The following PUS7 variants were observed in gnomAD, a reference collection of about 807,000 sequenced individuals.
PUS7 encodes the protein pseudouridine synthase 7, also known as pseudouridylate synthase 7 homolog.
Under a neutral mutation model 79.8 loss-of-function variants are expected in PUS7, and 48 were observed. The ratio of observed to expected loss-of-function variants is 0.60; its 90% CI spans 0.48 to 0.76. The LOEUF is 0.76. Ranked by LOEUF, PUS7 falls within the 30% of genes least tolerant of loss-of-function variation. The probability of loss-of-function intolerance (pLI) is 0.00; values close to 1 mark genes in which losing one functional copy is unlikely to be tolerated. For missense variants in PUS7, 729 were observed against 797.6 expected (o/e 0.91, Z 1.04); for synonymous variants, 286 against 272.2 (o/e 1.05, Z -0.50).
At chr7:105,496,257 A>AGAGAGAGAGAGG (rs747414006) in intron 5 of PUS7, among the ~76,000 whole-genome samples, 1 of 4,586 alleles carries the variant, frequency 2.2e-4, no homozygotes, top group African/African-American at 4.9e-4. Context: ...AGAGAGAGGG[A>AGAGAGAGAGAGG]GAGACACATA....
chr7:105,496,214 T>TAGAGAG lies in PUS7; in HGVS notation c.731-962_731-961insCTCTCT, dbSNP rs1441042128. Reference sequence around the variant, plus strand: ...ACACACACATATATATATATATATATATATATATATATAGAGAGAGAGAGA... The same window carrying TAGAGAG: ...ACACACACATATATATATATATATATAGAGAGATATATATATATAGAGAGAGAGAGA... On this transcript the variant is annotated intron_variant, in intron 5 of 15. Transcript: ENST00000469408. 4.9e-3 allele frequency among the ~76,000 whole-genome samples: 352 copies of TAGAGAG among 71,652 alleles called. 4 individuals carry two copies. Among genetic ancestry groups the TAGAGAG allele is most frequent in the Non-Finnish European group, 7.9e-3 (303 of 38,546 alleles). The allele number at this position is 71,652 out of a possible 152,430, so 47.0% of individuals were successfully genotyped here. A position where few individuals can be genotyped will look rare whatever the true frequency, so the allele number is the denominator to read the frequency against.
At chr7:105,508,028 A>C (rs1023910675) in intron 2 of PUS7, 87 bp downstream of exon 2, 1 of 1,431,910 alleles carries the variant, frequency 7.0e-7, no homozygotes, top group Non-Finnish European at 9.2e-7. Context: ...GGAGATGGAA[A>C]GCTAAGTGGA....
chr7:105,470,923 G>A, intron 10 of PUS7, 75 bp from the exon 11 acceptor site: 1 of 1,410,338 alleles, frequency 7.1e-7, no homozygotes. Flanking sequence ...ACACTTCACA[G>A]AGAACACAAA....
At chr7:105,469,302 T>C (rs1223851793) in intron 11 of PUS7, among the ~76,000 whole-genome samples, 1 of 152,018 alleles carries the variant, frequency 6.6e-6, no homozygotes, top group Non-Finnish European at 1.5e-5. Flanking sequence ...TTCTTTTTTA[T>C]TTTTTTGAGA....
intron 1 of PUS7, among the ~76,000 whole-genome samples, chr7:105,515,390 G>A (rs1825855304): frequency 6.6e-6 from 1 of 152,020 alleles, no homozygotes; most frequent in South Asian, 2.1e-4. Context: ...TTTCCAGGTG[G>A]GACATCCTCA....
intron 7 of PUS7, among the ~76,000 whole-genome samples, chr7:105,485,858 C>T (rs371330586): frequency 6.6e-6 from 1 of 151,870 alleles, no homozygotes; most frequent in Middle Eastern, 3.2e-3. Flanking sequence ...TGCAGTGGTG[C>T]GATCTAAGCT....
intron 4 of PUS7, among the ~76,000 whole-genome samples, chr7:105,504,181 C>T (rs113559714): frequency 0.14 from 19,079 of 140,384 alleles, 1,597 homozygotes; most frequent in South Asian, 0.21. Context: ...GTGATTCTCC[C>T]GCCTCAGCCT....
intron 14 of PUS7, 91 bp from the exon 15 acceptor site, chr7:105,459,350 A>G: frequency 1.4e-6 from 1 of 733,642 alleles, no homozygotes; most frequent in Admixed American, 2.7e-5. Flanking sequence ...CAAGAAAAAC[A>G]AGTAAGTTTA....
At chr7:105,504,430 TA>T (rs888417092) in intron 4 of PUS7, among the ~76,000 whole-genome samples, 10 of 152,136 alleles carry the variant, frequency 6.6e-5, no homozygotes, top group Non-Finnish European at 1.3e-4. Context: ...ACATTACGAT[TA>T]CAGGTAAATG....
At chr7:105,457,983 G>A (rs891890965) in intron 15 of PUS7, 57 bp from the exon 16 acceptor site, 18 of 1,573,082 alleles carry the variant, frequency 1.1e-5, no homozygotes, top group Middle Eastern at 1.7e-4. Context: ...ACAGACCAGC[G>A]AGAGTCACAT....
At chr7:105,496,226 T>TATAG (rs1197032072) in intron 5 of PUS7, among the ~76,000 whole-genome samples, 30 of 81,138 alleles carry the variant, frequency 3.7e-4, no homozygotes, top group East Asian at 8.0e-4. Context: ...TATATATATA[T>TATAG]AGAGAGAGAG....
intron 9 of PUS7, among the ~76,000 whole-genome samples, chr7:105,473,137 T>C (rs77556574): frequency 0.031 from 4,760 of 152,284 alleles, 262 homozygotes; most frequent in African/African-American, 0.11. Flanking sequence ...AAAAGATTTA[T>C]CTATGTTAAT....
chr7:105,468,620 C>A (rs991850254), intron 11 of PUS7, among the ~76,000 whole-genome samples, 157 bp from the exon 12 acceptor site: 1 of 151,040 alleles, frequency 6.6e-6, no homozygotes, highest in Non-Finnish European at 1.5e-5. Context: ...CGGGTTCAAG[C>A]AATTCTCCCA....
In PUS7 at chr7:105,491,610, G is replaced by C. The variant is rs1237470680; in HGVS notation, c.850C>G (p.Pro284Ala). 1.3e-6 allele frequency: 2 copies of C among 1,583,474 alleles called. No homozygotes were observed. The highest frequency in any genetic ancestry group is 1.7e-6 in the Non-Finnish European group (2 of 1,153,072). ...GTTCCCATGTAGGAGAATATATTTG[G>C]CTTGACTCTGGTAAGAGAGAAACAA... ...NVLSKYLRVK[P>A]NIFSYMGTKD... Residue 284 changes from proline (P) to alanine (A), a missense_variant, in exon 7 of 16, where the codon CCA (proline) becomes GCA (alanine). Coordinates refer to ENST00000469408, the MANE Select transcript of PUS7 (RefSeq NM_019042.5).
chr7:105,491,415 A>C (rs1168084440), intron 7 of PUS7, 125 bp downstream of exon 7: 7 of 469,960 alleles, frequency 1.5e-5, no homozygotes, highest in Non-Finnish European at 2.2e-5. Flanking sequence ...AATGAAAAGT[A>C]ATTTTTAAAT....
rs1823225612 is a variant in PUS7, at chr7:105,457,237, A to G, written c.*553T>C. 1 of 152,218 alleles carries G rather than the reference A, an allele frequency of 6.6e-6. No homozygotes were observed. Among genetic ancestry groups the G allele is most frequent in the South Asian group, 2.1e-4 (1 of 4,836 alleles). 9.4% of individuals were successfully genotyped at this position (152,218 alleles called of 1,614,324 possible). A position where few individuals can be genotyped will look rare whatever the true frequency, so the allele number is the denominator to read the frequency against. On this transcript the variant is annotated 3_prime_UTR_variant, in exon 16 of 16. Coordinates refer to ENST00000469408, the MANE Select transcript of PUS7 (RefSeq NM_019042.5). ...AAAAGCCACCGCAACCAAAAAGTCTATAATGCTTGCCTGAATCTAGTACAT... is the reference window on the plus strand; with the variant it reads ...AAAAGCCACCGCAACCAAAAAGTCTGTAATGCTTGCCTGAATCTAGTACAT...
At chr7:105,498,568 C>G (rs1474229083) in intron 5 of PUS7, among the ~76,000 whole-genome samples, 1 of 152,114 alleles carries the variant, frequency 6.6e-6, no homozygotes, top group Non-Finnish European at 1.5e-5. Context: ...CAGACATCTC[C>G]ATGAATAAAG....
chr7:105,475,284 C>G (rs10243444), intron 9 of PUS7, among the ~76,000 whole-genome samples: 1 of 151,812 alleles, frequency 6.6e-6, no homozygotes, highest in African/African-American at 2.4e-5. Context: ...CTCCCGGGTT[C>G]ACGCCATTCT....
At chr7:105,478,327 C>T (rs1824188582) in intron 9 of PUS7, among the ~76,000 whole-genome samples, 1 of 152,122 alleles carries the variant, frequency 6.6e-6, no homozygotes, top group Non-Finnish European at 1.5e-5. Flanking sequence ...TTTCAGTTGT[C>T]CTCAGTATAT....
Sources: allele counts gnomAD v4.1 joint callset (sites outside exome capture counted in the v4.1 genomes callset), GRCh38; gene constraint gnomAD v4.1.1; transcripts MANE v1.5; gene names NCBI Gene and HGNC (gene_info 2026-07-23, HGNC 2026-07-21).